The following NPHP1 variants were observed in gnomAD, a reference collection of about 807,000 sequenced individuals.
NPHP1 encodes nephrocystin 1, also known as nephrocystin-1.
A neutral mutation model predicts 90.4 loss-of-function variants in NPHP1; 70 were observed. The ratio of observed to expected loss-of-function variants is 0.77; its 90% CI spans 0.64 to 0.95. NPHP1 has a LOEUF of 0.95. Among genes scored for constraint, NPHP1 ranks in the 40% least tolerant of loss-of-function variants. The pLI is 0.00. For missense variants in NPHP1, 764 were observed against 795.9 expected (o/e 0.96, Z 0.48); for synonymous variants, 256 against 271.7 (o/e 0.94, Z 0.57).
intron 2 of NPHP1, chr2:110,184,343 G>C: frequency 1.6e-6 from 1 of 611,018 alleles, no homozygotes; most frequent in Non-Finnish European, 3.1e-6. Flanking sequence ...TCTATTCTAA[G>C]GACCAGCTGC....
intron 2 of NPHP1, among the ~76,000 whole-genome samples, chr2:110,180,771 A>G (rs1455558211): frequency 6.6e-6 from 1 of 152,114 alleles, no homozygotes; most frequent in Non-Finnish European, 1.5e-5. Context: ...GTGAGTGACC[A>G]TGCAACCCTG....
At position 110,172,231 on chromosome 2, in the gene NPHP1, T is replaced by C. The variant is rs187478008; in HGVS notation, c.330-2233A>G. ...GTATCTTTTTAATGCTTGTGGAATC[T>C]GTATTGATTTTTTTTCTCTCTCTCT... On this transcript the variant is annotated intron_variant, in intron 4 of 19. Transcript: ENST00000445609. Among the ~76,000 whole-genome samples, 67 of 152,266 alleles carry C rather than the reference T, an allele frequency of 4.4e-4. 1 individual carries two copies. In the East Asian group the frequency reaches 0.013, roughly 29 times the overall value.
intron 2 of NPHP1, among the ~76,000 whole-genome samples, chr2:110,191,974 C>A (rs1219525978): frequency 6.6e-6 from 1 of 152,124 alleles, no homozygotes; most frequent in Non-Finnish European, 1.5e-5. Flanking sequence ...AACTAACAAA[C>A]AGAAAGGACA....
intron 2 of NPHP1, among the ~76,000 whole-genome samples, chr2:110,201,203 C>T (rs540095706): frequency 6.6e-6 from 1 of 152,206 alleles, no homozygotes; most frequent in East Asian, 1.9e-4. Flanking sequence ...GGTAATCCTG[C>T]CCATGTCACC....
chr2:110,150,073 A>G, intron 12 of NPHP1, 109 bp downstream of exon 12: 2 of 924,350 alleles, frequency 2.2e-6, no homozygotes, highest in South Asian at 2.7e-5. Context: ...AGAACACCAA[A>G]GAATCTAAAG....
chr2:110,125,496 G>T, intron 19 of NPHP1, 141 bp downstream of exon 19: 2 of 1,140,976 alleles, frequency 1.8e-6, no homozygotes, highest in Non-Finnish European at 2.6e-6. Context: ...ATGTGTTTTT[G>T]CAGCCATAAT....
At chr2:110,130,964 C>T (rs1024531242) in intron 17 of NPHP1, among the ~76,000 whole-genome samples, 3 of 152,146 alleles carry the variant, frequency 2.0e-5, no homozygotes, top group African/African-American at 7.2e-5. Context: ...GACGCCTATG[C>T]CTGTCTCATT....
chr2:110,149,469 G>A (rs1042627582), intron 12 of NPHP1, among the ~76,000 whole-genome samples: 45 of 152,074 alleles, frequency 3.0e-4, no homozygotes, highest in African/African-American at 9.9e-4. Flanking sequence ...GTGTGCTCTC[G>A]ACAAGTCTGG....
At chr2:110,161,779 G>C (rs1409467850) in intron 9 of NPHP1, 82 bp from the exon 10 acceptor site, 10 of 1,005,490 alleles carry the variant, frequency 9.9e-6, no homozygotes, top group East Asian at 2.6e-5. Flanking sequence ...CTATGAACTA[G>C]AGTACAGGCA....
intron 4 of NPHP1, among the ~76,000 whole-genome samples, chr2:110,172,753 A>G (rs1559084163): frequency 6.6e-6 from 1 of 152,112 alleles, no homozygotes; most frequent in Non-Finnish European, 1.5e-5. Flanking sequence ...CACTATACCC[A>G]GTCTGGGTAA....
intron 2 of NPHP1, among the ~76,000 whole-genome samples, chr2:110,189,456 T>G (rs1230683166): frequency 2.0e-5 from 3 of 151,956 alleles, no homozygotes; most frequent in Non-Finnish European, 2.9e-5. Flanking sequence ...GGGCTCATGG[T>G]CTCGCTGACT....
intron 16 of NPHP1, among the ~76,000 whole-genome samples, chr2:110,133,541 C>T (rs1574064424): frequency 1.3e-5 from 2 of 152,054 alleles, no homozygotes; most frequent in Admixed American, 1.3e-4. Context: ...ATCTAGCTGA[C>T]ATTTACAAAA....
intron 2 of NPHP1, among the ~76,000 whole-genome samples, chr2:110,189,493 G>A (rs953382230): frequency 1.3e-5 from 2 of 152,076 alleles, no homozygotes; most frequent in East Asian, 1.9e-4. Flanking sequence ...AGACCTTCGC[G>A]GTGAGTGTTA....
intron 5 of NPHP1, among the ~76,000 whole-genome samples, chr2:110,169,075 C>A (rs995479642): frequency 6.6e-6 from 1 of 152,020 alleles, no homozygotes; most frequent in Non-Finnish European, 1.5e-5. Context: ...TAAAATTCAT[C>A]TTTGAAGACA....
intron 14 of NPHP1, among the ~76,000 whole-genome samples, chr2:110,146,054 T>C (rs1314484038): frequency 1.3e-5 from 2 of 152,326 alleles, no homozygotes; most frequent in African/African-American, 4.8e-5. Flanking sequence ...GAAATCCACC[T>C]ACAGTTACAT....
chr2:110,168,935 T>G (rs1487808659), intron 5 of NPHP1, among the ~76,000 whole-genome samples: 1 of 152,154 alleles, frequency 6.6e-6, no homozygotes, highest in Non-Finnish European at 1.5e-5. Flanking sequence ...AAGCAGCATA[T>G]AAATTCCCAA....
chr2:110,164,513 A>G lies in NPHP1; in HGVS notation c.771+175T>C, dbSNP rs905647921. 9 of 1,363,276 alleles carry G rather than the reference A, an allele frequency of 6.6e-6. No homozygotes were observed. The highest frequency in any genetic ancestry group is 8.4e-6 in the Non-Finnish European group (8 of 953,908). The allele number at this position is 1,363,276 out of a possible 1,614,324, so 84.4% of individuals were successfully genotyped here. ...AAAAAAAAAAAAAAACTAATGAGAA[A>G]TGTTACTTGGAGCACAGGCTTAGAA... On this transcript the variant is annotated intron_variant, in intron 8 of 19. Transcript: ENST00000445609.
chr2:110,160,608 G>A (rs1463945053), intron 10 of NPHP1, among the ~76,000 whole-genome samples: 1 of 152,106 alleles, frequency 6.6e-6, no homozygotes, highest in African/African-American at 2.4e-5. Context: ...GAAGGCTAAC[G>A]CAGCATAAAA....
intron 18 of NPHP1, chr2:110,128,832 G>C (rs1283425499): frequency 1.0e-5 from 3 of 299,894 alleles, no homozygotes. Flanking sequence ...AATTAAAGAT[G>C]ATGTGCATGC....
Sources: gnomAD v4.1 joint callset for allele counts (sites outside exome capture counted in the v4.1 genomes callset) on GRCh38, gnomAD v4.1.1 for gene constraint, MANE v1.5 for transcripts, NCBI Gene and HGNC (gene_info 2026-07-23, HGNC 2026-07-21) for gene names.